Variants in ZNF644 observed in about 807,000 individuals in gnomAD.
ZNF644 encodes the protein zinc finger protein 644.
Under a neutral mutation model 108.0 loss-of-function variants are expected in ZNF644, and 20 were observed. That is an observed-to-expected ratio of 0.19 (90% CI 0.13 to 0.27). ZNF644 has a LOEUF of 0.27. Ranked by LOEUF, ZNF644 falls within the 10% of genes least tolerant of loss-of-function variation. The pLI, the probability that ZNF644 is intolerant of heterozygous loss-of-function variation, is 1.00. For missense variants in ZNF644, 1,338 were observed against 1,548.9 expected (o/e 0.86, Z 2.29); for synonymous variants, 542 against 539.1 (o/e 1.01, Z -0.08).
At chr1:91,000,630 A>G (rs1016645557) in intron 1 of ZNF644, among the ~76,000 whole-genome samples, 6 of 151,844 alleles carry the variant, frequency 4.0e-5, no homozygotes, top group Non-Finnish European at 8.8e-5. Flanking sequence ...TTAACCAGAA[A>G]AGCAAGAGCA....
intron 4 of ZNF644, among the ~76,000 whole-genome samples, chr1:90,928,370 T>G (rs1329991297): frequency 6.8e-6 from 1 of 147,118 alleles, no homozygotes; most frequent in African/African-American, 2.5e-5. Context: ...CAGGCTGGAA[T>G]GCAATGGCAC....
intron 2 of ZNF644, among the ~76,000 whole-genome samples, chr1:90,950,667 CAA>C (rs1445749526): frequency 6.6e-6 from 1 of 151,888 alleles, no homozygotes; most frequent in African/African-American, 2.4e-5. Flanking sequence ...ACGATTCTCC[CAA>C]AGGTTAACAA....
At chr1:91,005,813 TA>T (rs1279072221) in intron 1 of ZNF644, among the ~76,000 whole-genome samples, 2 of 151,406 alleles carry the variant, frequency 1.3e-5, no homozygotes, top group African/African-American at 2.4e-5. Flanking sequence ...ATGACTACAT[TA>T]AAAAAAATCT....
At chr1:91,021,339 A>C (rs1660889072) in intron 1 of ZNF644, 1 of 152,436 alleles carries the variant, frequency 6.6e-6, no homozygotes, top group Non-Finnish European at 1.5e-5. Flanking sequence ...GGGGAGGGCT[A>C]TGCGGTCCTG....
chr1:90,937,521 A>G lies in ZNF644; in HGVS notation c.3652T>C (p.Tyr1218His). Reference protein sequence around the residue: ...LPLNEDSPLMYQPQKMDLTMH... With the variant: ...LPLNEDSPLMHQPQKMDLTMH... Reference sequence around the variant, plus strand: ...GTCAAGTCCATTTTTTGTGGCTGATACATCAACGGACTATCCTCATTTAAT... The same window carrying G: ...GTCAAGTCCATTTTTTGTGGCTGATGCATCAACGGACTATCCTCATTTAAT... The change falls in exon 4 of 6, where the codon TAT becomes CAT. Residue 1218 changes from tyrosine to histidine, a missense_variant. Tyr to His is a moderately conservative substitution (Grantham distance 83, BLOSUM62 2). Transcript: ENST00000337393. 2 of 1,613,866 alleles carry G rather than the reference A, an allele frequency of 1.2e-6. No individual in the cohort carries two copies. The highest frequency in any genetic ancestry group is 4.5e-5 in the East Asian group (2 of 44,864).
chr1:90,938,174 T>G lies in ZNF644; in HGVS notation c.3083-84A>C, dbSNP rs1570376453. The G allele has an allele frequency of 1.5e-5, 24 of 1,606,518 alleles. No individual in the cohort carries two copies. The East Asian group carries it at 4.9e-4, about 33-fold the overall frequency. ...AATGAGTTAATTCTGAAACATAAAA[T>G]TATGATTCTAATAAAGACTAAATTC... On this transcript the variant is annotated intron_variant, in intron 3 of 5. Transcript: ENST00000337393. This position sits in a 1 kb window ranked among gnomAD's most constrained non-coding sequence, Gnocchi z 4.2.
At chr1:90,981,209 T>A (rs1445298237) in intron 2 of ZNF644, among the ~76,000 whole-genome samples, 2 of 151,968 alleles carry the variant, frequency 1.3e-5, no homozygotes, top group Admixed American at 6.6e-5. Flanking sequence ...GCTACAGAAG[T>A]AAATTATTAT....
At chr1:90,932,516 T>C (rs1237528738) in intron 4 of ZNF644, among the ~76,000 whole-genome samples, 1 of 152,170 alleles carries the variant, frequency 6.6e-6, no homozygotes, top group Non-Finnish European at 1.5e-5. Context: ...TCTTGAAAAA[T>C]GATGCCTGTT....
intron 2 of ZNF644, among the ~76,000 whole-genome samples, chr1:90,945,125 T>C (rs1163350958): frequency 1.3e-5 from 2 of 152,088 alleles, no homozygotes; most frequent in African/African-American, 4.8e-5. Flanking sequence ...AGGAACGTAT[T>C]TGAAGGTGGG....
intron 1 of ZNF644, chr1:91,020,317 G>A (rs1338860583): frequency 6.6e-6 from 1 of 152,110 alleles, no homozygotes; most frequent in African/African-American, 2.4e-5. Flanking sequence ...GATCTACACA[G>A]TGATCTAATG....
At chr1:90,995,221 A>T (rs1460965725) in intron 1 of ZNF644, among the ~76,000 whole-genome samples, 2 of 152,158 alleles carry the variant, frequency 1.3e-5, no homozygotes, top group Non-Finnish European at 2.9e-5. Context: ...TAAAAAAAAG[A>T]AAAAGCTGAA....
At chr1:91,006,135 A>T (rs1182711592) in intron 1 of ZNF644, among the ~76,000 whole-genome samples, 1 of 152,218 alleles carries the variant, frequency 6.6e-6, no homozygotes, top group African/African-American at 2.4e-5. Flanking sequence ...TACATAGTGT[A>T]GATGAAATGG....
intron 2 of ZNF644, among the ~76,000 whole-genome samples, chr1:90,959,115 T>A (rs1177524654): frequency 6.6e-6 from 1 of 152,078 alleles, no homozygotes; most frequent in East Asian, 1.9e-4. Flanking sequence ...GAACAGATAT[T>A]TCTCAAAAAA....
At chr1:91,020,779 A>C (rs565183738) in intron 1 of ZNF644, 2 of 148,402 alleles carry the variant, frequency 1.3e-5, no homozygotes, top group African/African-American at 2.5e-5. Flanking sequence ...ACACAATTAA[A>C]ACAAATCTAC....
chr1:90,946,810 A>G (rs1348937781), intron 2 of ZNF644, among the ~76,000 whole-genome samples: 1 of 152,148 alleles, frequency 6.6e-6, no homozygotes, highest in Non-Finnish European at 1.5e-5. Flanking sequence ...AAAAAAGCAA[A>G]CAAATTACAC....
rs776570645 is a variant in ZNF644, at chr1:90,941,255, G to A, written c.99C>T (p.Thr33=). The part of the protein sequence containing the change: ...ANNMDDLKIN[T]DITGAKEELL... ...GTTCTTCTTTAGCACCAGTAATATC[G>A]GTGTTTATCTTCAAATCATCCATAT... Residue 33 remains threonine (T), a synonymous_variant, in exon 3 of 6, where the codon ACC becomes ACT. Coordinates refer to ENST00000337393, the MANE Select transcript of ZNF644 (RefSeq NM_201269.3). 36 of 1,599,844 alleles carry A rather than the reference G, an allele frequency of 2.3e-5. No homozygotes were observed. Among genetic ancestry groups the A allele is most frequent in the South Asian group, 6.8e-5 (6 of 87,610 alleles).
chr1:91,007,133 G>A (rs751793741), intron 1 of ZNF644, among the ~76,000 whole-genome samples: 1 of 145,580 alleles, frequency 6.9e-6, no homozygotes, highest in African/African-American at 2.5e-5. Flanking sequence ...TTTTTTTTCA[G>A]TCACCATGTT....
At chr1:90,955,567 G>GT (rs1246796479) in intron 2 of ZNF644, among the ~76,000 whole-genome samples, 99 of 152,312 alleles carry the variant, frequency 6.5e-4, no homozygotes, top group Non-Finnish European at 1.2e-3. Context: ...GAGCTTTTAT[G>GT]TTATAACATG....
In ZNF644 at chr1:90,939,274, A is replaced by C; in HGVS notation, c.2080T>G (p.Ser694Ala). ...IQKARKSIAQ[S>A]GVNMCNQNSS... ...TTTTGATTGCACATGTTTACACCTGATTGGGCAATGCTTTTCCGAGCTTTC... is the reference window on the plus strand; with the variant it reads ...TTTTGATTGCACATGTTTACACCTGCTTGGGCAATGCTTTTCCGAGCTTTC... Residue 694 changes from serine (S) to alanine (A), a missense_variant, in exon 3 of 6, where the codon TCA becomes GCA. Ser to Ala is a moderately conservative substitution (Grantham distance 99, BLOSUM62 1). Around this residue, in one of 6 missense-constraint regions of ZNF644, gnomAD observed 462 missense variants for 472.6 expected, o/e 0.98. Coordinates refer to ENST00000337393, the MANE Select transcript of ZNF644 (RefSeq NM_201269.3). The C allele has an allele frequency of 3.1e-6, 5 of 1,614,040 alleles. No homozygotes were observed. Among genetic ancestry groups the C allele is most frequent in the Non-Finnish European group, 4.2e-6 (5 of 1,179,936 alleles).
Sources: allele counts gnomAD v4.1 joint callset (sites outside exome capture counted in the v4.1 genomes callset), GRCh38; gene constraint gnomAD v4.1.1; regional missense constraint gnomAD v4.1.1; non-coding constraint Gnocchi (gnomAD v3.1); transcripts MANE v1.5; gene names NCBI Gene and HGNC (gene_info 2026-07-23, HGNC 2026-07-21).